Variants in TTPA observed in about 807,000 individuals in gnomAD.
TTPA encodes alpha-tocopherol transfer protein.
In TTPA, 23 loss-of-function variants were observed where a neutral mutation model predicts 25.9. The observed-to-expected ratio is 0.89, with a 90% CI of 0.64 to 1.26. TTPA has a LOEUF of 1.26. Ranked by LOEUF, TTPA falls within the 50% of genes most tolerant of loss-of-function variation. The pLI is 0.00. For missense variants in TTPA, 337 were observed against 353.1 expected, an observed-to-expected ratio of 0.95 and a Z score of 0.37; for synonymous variants, 148 against 137.3, an observed-to-expected ratio of 1.08 and a Z score of -0.54.
chr8:63,059,319 A>C (rs528499321), downstream of TTPA, among the ~76,000 whole-genome samples: 3 of 151,818 alleles, frequency 2.0e-5, no homozygotes, highest in African/African-American at 7.2e-5. Context: ...GGCGTGAGCC[A>C]CCGCGCCCGG....
intron 2 of TTPA, among the ~76,000 whole-genome samples, chr8:63,066,979 G>T (rs1295852976): frequency 6.6e-6 from 1 of 151,948 alleles, no homozygotes; most frequent in Non-Finnish European, 1.5e-5. Flanking sequence ...GGTGGCTGAG[G>T]TGGGGGGAGG....
At chr8:63,080,027 C>T (rs187407369) in intron 1 of TTPA, among the ~76,000 whole-genome samples, 4 of 152,088 alleles carry the variant, frequency 2.6e-5, no homozygotes, top group Non-Finnish European at 5.9e-5. Flanking sequence ...CACTCAAAAC[C>T]GCACAACTAC....
intron 2 of TTPA, among the ~76,000 whole-genome samples, chr8:63,069,127 C>G (rs1021906391): frequency 9.2e-5 from 14 of 151,974 alleles, no homozygotes; most frequent in African/African-American, 3.1e-4. Flanking sequence ...GCTCTCCAGC[C>G]TGGGCAACAG....
rs767879332 is a variant in TTPA, at chr8:63,065,978, G to T, written c.478C>A (p.Leu160Met). The change falls in exon 3 of 5, where the codon CTG (leucine) becomes ATG (methionine). Residue 160 changes from leucine (L) to methionine (M), a missense_variant. By Grantham distance (15) the Leu-to-Met change is conservative. Transcript: ENST00000260116. ...GCATGAGAAAACTGCCAACCTTCCA[G>T]ATCAAAGATAGCCTTGATTCCATTC... ...QRNGIKAIFD[L>M]EGWQFSHAFQ... The T allele has an allele frequency of 9.9e-6, 16 of 1,614,034 alleles. No homozygotes were observed. The South Asian group carries it at 1.8e-4, about 18-fold the overall frequency.
intron 1 of TTPA, among the ~76,000 whole-genome samples, chr8:63,084,915 A>AAACAAGAGAAACCTCAAACAAGAG (rs1743959417): frequency 6.6e-6 from 1 of 152,212 alleles, no homozygotes; most frequent in South Asian, 2.1e-4. Flanking sequence ...AGAAACCCTC[A>AAACAAGAGAAACCTCAAACAAGAG]AAAACCTCAT....
intron 1 of TTPA, among the ~76,000 whole-genome samples, chr8:63,078,609 A>G (rs7841997): frequency 0.072 from 11,026 of 152,210 alleles, 747 homozygotes; most frequent in African/African-American, 0.18. Context: ...TCAAATTAAT[A>G]AAATAAAGCG....
chr8:63,058,463 G>A (rs187443032), downstream of TTPA, among the ~76,000 whole-genome samples: 27 of 152,202 alleles, frequency 1.8e-4, no homozygotes, highest in East Asian at 4.0e-3. Context: ...AATAAATTAC[G>A]TGCAGTTGAG....
intron 1 of TTPA, among the ~76,000 whole-genome samples, chr8:63,075,128 A>G (rs1384469667): frequency 6.6e-6 from 1 of 152,236 alleles, no homozygotes; most frequent in Non-Finnish European, 1.5e-5. Context: ...CTACTGAGCA[A>G]TTCTCAAACA....
chr8:63,081,016 CA>C (rs879635708), intron 1 of TTPA, among the ~76,000 whole-genome samples: 68 of 134,240 alleles, frequency 5.1e-4, no homozygotes, highest in South Asian at 1.2e-3. Context: ...GCCTACCAAC[CA>C]AAAAAAAAAA....
chr8:63,081,225 C>G (rs995990913), intron 1 of TTPA, among the ~76,000 whole-genome samples: 5 of 152,042 alleles, frequency 3.3e-5, no homozygotes, highest in African/African-American at 1.2e-4. Flanking sequence ...TGATGAACAT[C>G]GATGCAAAAA....
rs1007035324 is a variant in TTPA at position 63,059,610 on chromosome 8, C to T, written c.*1642G>A. Reference sequence around the variant, plus strand: ...AACAGATTTTGGACCCCATATTCTACATTTTCAAGTTTATAACAAAATTAA... The same window carrying T: ...AACAGATTTTGGACCCCATATTCTATATTTTCAAGTTTATAACAAAATTAA... On this transcript the variant is annotated 3_prime_UTR_variant, in exon 5 of 5. Coordinates refer to ENST00000260116, the MANE Select transcript of TTPA (RefSeq NM_000370.3). Among the ~76,000 whole-genome samples, 2 of 152,014 alleles carry T rather than the reference C, an allele frequency of 1.3e-5. No homozygotes were observed. Among genetic ancestry groups the T allele is most frequent in the African/African-American group, 4.8e-5 (2 of 41,402 alleles).
In TTPA at chr8:63,060,005, T is replaced by C. The variant is rs1277245038; in HGVS notation, c.*1247A>G. On this transcript the variant is annotated 3_prime_UTR_variant, in exon 5 of 5. Transcript: ENST00000260116. ...GCTGCCACACCCAGTCTTTACCAGA[T>C]GTTTTTTTAAGTTAATATAAATTGC... The C allele has an allele frequency of 6.6e-6, 1 of 152,204 alleles. No individual in the cohort carries two copies. The highest frequency in any genetic ancestry group is 2.1e-4 in the South Asian group (1 of 4,836). 9.4% of individuals were successfully genotyped at this position (152,204 alleles called of 1,614,324 possible). A position where few individuals can be genotyped will look rare whatever the true frequency, so the allele number is the denominator to read the frequency against.
intron 2 of TTPA, among the ~76,000 whole-genome samples, chr8:63,071,522 G>A (rs1406088959): frequency 6.6e-6 from 1 of 152,088 alleles, no homozygotes; most frequent in Admixed American, 6.6e-5. Flanking sequence ...TCCTGTGCCG[G>A]CCATTTTTAA....
At chr8:63,064,108 T>C in intron 4 of TTPA, 98 bp downstream of exon 4, 1 of 812,864 alleles carries the variant, frequency 1.2e-6, no homozygotes, top group South Asian at 1.6e-5. Context: ...ATGATATAGA[T>C]GGGCAGGTAC....
At chr8:63,065,871 G>A in intron 3 of TTPA, 33 bp downstream of exon 3, 1 of 1,600,778 alleles carries the variant, frequency 6.2e-7, no homozygotes, top group South Asian at 1.1e-5. Context: ...TAATTTGGAA[G>A]TATTATGCCT....
chr8:63,060,950 A>G lies in TTPA; in HGVS notation c.*302T>C, dbSNP rs993390941. 3 of 260,562 alleles carry G rather than the reference A, an allele frequency of 1.2e-5. No individual in the cohort carries two copies. The highest frequency in any genetic ancestry group is 6.6e-5 in the African/African-American group (3 of 45,278). The allele number at this position is 260,562 out of a possible 1,614,324, so 16.1% of individuals were successfully genotyped here. A position where few individuals can be genotyped will look rare whatever the true frequency, so the allele number is the denominator to read the frequency against. Reference sequence around the variant, plus strand: ...AAATATAACTTTCTAGAAACATACAAAGATGCACATGAGCAGCTACTTTAG... The same window carrying G: ...AAATATAACTTTCTAGAAACATACAGAGATGCACATGAGCAGCTACTTTAG... On this transcript the variant is annotated 3_prime_UTR_variant, in exon 5 of 5. Coordinates refer to ENST00000260116, the MANE Select transcript of TTPA (RefSeq NM_000370.3).
chr8:63,062,970 A>T (rs1331544310), intron 4 of TTPA, among the ~76,000 whole-genome samples: 1 of 152,192 alleles, frequency 6.6e-6, no homozygotes, highest in Non-Finnish European at 1.5e-5. Flanking sequence ...AAAGCAGGCA[A>T]TTTAAGGGTG....
chr8:63,075,829 C>T (rs1805554755), intron 1 of TTPA, among the ~76,000 whole-genome samples: 1 of 151,476 alleles, frequency 6.6e-6, no homozygotes, highest in African/African-American at 2.4e-5. Context: ...ATAAAAGAAG[C>T]TGCATTTAGA....
chr8:63,084,450 A>G (rs1805715339), intron 1 of TTPA, among the ~76,000 whole-genome samples: 2 of 152,246 alleles, frequency 1.3e-5, no homozygotes. Context: ...AACAGCAATA[A>G]GCCCTAAGTC....
Sources: allele counts gnomAD v4.1 joint callset (sites outside exome capture counted in the v4.1 genomes callset), GRCh38; gene constraint gnomAD v4.1.1; transcripts MANE v1.5; gene names NCBI Gene and HGNC (gene_info 2026-07-23, HGNC 2026-07-21).